Variants in SNX5 observed in about 807,000 individuals in gnomAD.
SNX5 encodes sorting nexin-5.
A neutral mutation model predicts 53.9 loss-of-function variants in SNX5; 31 were observed. That is an observed-to-expected ratio of 0.58 (90% CI 0.43 to 0.78). The LOEUF (loss-of-function observed/expected upper bound fraction) is 0.78, where lower values mean the gene tolerates loss of function less well. Among genes scored for constraint, SNX5 ranks in the 30% least tolerant of loss-of-function variants. SNX5 has a pLI of 0.00. For synonymous variants in SNX5, 168 were observed against 171.1 expected (o/e 0.98, Z 0.14); for missense variants, 471 against 478.8 (o/e 0.98, Z 0.15).
intron 1 of SNX5, among the ~76,000 whole-genome samples, chr20:17,966,563 T>C (rs1281733363): frequency 6.6e-6 from 1 of 152,174 alleles, no homozygotes; most frequent in Admixed American, 6.5e-5. Flanking sequence ...CAGTATTCCC[T>C]TTCAGTTTTG....
rs1452715438 is a variant in SNX5, at chr20:17,962,624, CAGAAGATCTCAGTCTA to C, written c.52-5603_52-5588del. The C allele has an allele frequency of 1.9e-5, 8 of 410,584 alleles. No individual in the cohort carries two copies. The Admixed American group carries it at 2.1e-4, about 11-fold the overall frequency. 25.4% of individuals were successfully genotyped at this position (410,584 alleles called of 1,614,324 possible). On this transcript the variant is annotated intron_variant, in intron 1 of 12. Transcript: ENST00000377759. The stretch of plus-strand genomic sequence containing the variant: ...GGAAAACAGAACTAAAGACTTCTAA[CAGAAGATCTCAGTCTA>C]CTAACATAGCTAATAGCTATTAAAG...
At chr20:17,942,602 C>T in intron 12 of SNX5, 195 bp from the exon 13 acceptor site, 1 of 604,482 alleles carries the variant, frequency 1.7e-6, no homozygotes, top group Non-Finnish European at 3.0e-6. Context: ...GCTCCTCTCC[C>T]TCAGTGGGTA....
In SNX5 at chr20:17,955,659, G is replaced by A. The variant is rs181502027; in HGVS notation, c.157-184C>T. On this transcript the variant is annotated intron_variant, in intron 2 of 12. Coordinates refer to ENST00000377759, the MANE Select transcript of SNX5 (RefSeq NM_014426.4). ...GCTAAGATTCAACCTGAACTCTAACGATTTCTCCCCAAACTCCACCTTTCT... is the reference window on the plus strand; with the variant it reads ...GCTAAGATTCAACCTGAACTCTAACAATTTCTCCCCAAACTCCACCTTTCT... Among the ~76,000 whole-genome samples the A allele has an allele frequency of 7.5e-4, 115 of 152,328 alleles. No homozygotes were observed. The Middle Eastern group carries it at 0.02, about 27-fold the overall frequency.
At chr20:17,967,875 C>G in intron 1 of SNX5, 1 of 396,348 alleles carries the variant, frequency 2.5e-6, no homozygotes, top group Non-Finnish European at 4.4e-6. Context: ...TTTTGCGTTT[C>G]TAAAGTTGTA....
chr20:17,949,915 C>T (rs1444426852), intron 8 of SNX5, among the ~76,000 whole-genome samples: 1 of 152,192 alleles, frequency 6.6e-6, no homozygotes, highest in Non-Finnish European at 1.5e-5. Flanking sequence ...ACAACATTTA[C>T]TGTATTTGTT....
In SNX5 at chr20:17,968,421, G is replaced by T. The variant is rs994077057; in HGVS notation, c.5C>A (p.Ala2Asp). The T allele has an allele frequency of 7.8e-7, 1 of 1,289,792 alleles. No homozygotes were observed. The highest frequency in any genetic ancestry group is 9.8e-7 in the Non-Finnish European group (1 of 1,015,626). 79.9% of individuals were successfully genotyped at this position (1,289,792 alleles called of 1,614,324 possible). A position where few individuals can be genotyped will look rare whatever the true frequency, so the allele number is the denominator to read the frequency against. Reference protein sequence around the residue: MAAVPELLQQQE... With the variant: MDAVPELLQQQE... ...CTGCTGCAGCAACTCGGGAACCGCG[G>T]CCATGGCGACGCGGGACTCGAGCAG... The change falls in exon 1 of 13, where the codon GCC becomes GAC. Residue 2 changes from alanine to aspartate, a missense_variant. Transcript: ENST00000377759.
Position 17,952,662 on chromosome 20 carries a change from A to G in SNX5, c.438T>C (p.Phe146=), listed in dbSNP as rs1313510303. 1 of 1,614,002 alleles carries G rather than the reference A, an allele frequency of 6.2e-7. No homozygotes were observed. The highest frequency in any genetic ancestry group is 8.5e-7 in the Non-Finnish European group (1 of 1,179,990). Residue 146 remains phenylalanine, a synonymous_variant, in exon 5 of 13, where the codon TTT becomes TTC. Coordinates refer to ENST00000377759, the MANE Select transcript of SNX5 (RefSeq NM_014426.4). ...FKKTVSSHEV[F]LQRLSSHPVL... ...CAGGGTGAGAAGAAAGCCGCTGAAG[A>G]AAGACTTCATGGGAGGACACAGTCT...
chr20:17,943,100 A>G lies in SNX5; in HGVS notation c.1164+10T>C, dbSNP rs1230131193. 1 of 1,567,278 alleles carries G rather than the reference A, an allele frequency of 6.4e-7. No homozygotes were observed. Among genetic ancestry groups the G allele is most frequent in the African/African-American group, 1.3e-5 (1 of 74,122 alleles). On this transcript the variant is annotated intron_variant, in intron 12 of 12. Transcript: ENST00000377759. ...AAAAGATGTTGGCTTCATCTGTAGA[A>G]AACACTTACCCTGGCATGTTTTATT... is the stretch of plus-strand genomic sequence containing the variant.
chr20:17,959,005 C>G (rs1340527421), intron 1 of SNX5, among the ~76,000 whole-genome samples: 1 of 152,172 alleles, frequency 6.6e-6, no homozygotes. Context: ...GTCTAAGGTG[C>G]CTTTCCCAGA....
rs1568588503 is a variant in SNX5, at chr20:17,947,611, T to A, written c.953A>T (p.Asp318Val). 6.2e-7 allele frequency: 1 copy of A among 1,614,000 alleles called. No individual in the cohort carries two copies. The highest frequency in any genetic ancestry group is 8.5e-7 in the Non-Finnish European group (1 of 1,179,934). ...LLYRRTKALI[D>V]YENSNKALDK... ...CAGAGCTTTGTTTGAGTTCTCATAG[T>A]CAATGAGGGCTTTGGTGCGTCTGTA... is the stretch of plus-strand genomic sequence containing the variant. The change falls in exon 11 of 13, where the codon GAC becomes GTC. Residue 318 changes from aspartate to valine, a missense_variant. Transcript: ENST00000377759.
At chr20:17,960,063 G>A (rs913688262) in intron 1 of SNX5, among the ~76,000 whole-genome samples, 2 of 152,196 alleles carry the variant, frequency 1.3e-5, no homozygotes, top group African/African-American at 4.8e-5. Context: ...CCTTGGGCAT[G>A]CCGGACCTTT....
chr20:17,957,409 T>C (rs1021831655), intron 1 of SNX5, among the ~76,000 whole-genome samples: 1 of 145,306 alleles, frequency 6.9e-6, no homozygotes, highest in East Asian at 2.0e-4. Flanking sequence ...CACTCTAGCC[T>C]GGGCGACAGA....
rs1411342318 is a variant in SNX5, at chr20:17,942,151, A to C, written c.*206T>G. 1.8e-6 allele frequency: 1 copy of C among 552,390 alleles called. No homozygotes were observed. Among genetic ancestry groups the C allele is most frequent in the Non-Finnish European group, 3.2e-6 (1 of 309,272 alleles). 34.2% of individuals were successfully genotyped at this position (552,390 alleles called of 1,614,324 possible). ...TCTGCCCAGAGGTATTAAATGCACAAGGAAAAATTAGTTATGTCCAAGTAG... is the reference window on the plus strand; with the variant it reads ...TCTGCCCAGAGGTATTAAATGCACACGGAAAAATTAGTTATGTCCAAGTAG... On this transcript the variant is annotated 3_prime_UTR_variant, in exon 13 of 13. Transcript: ENST00000377759.
At position 17,968,286 on chromosome 20, in the gene SNX5, C is replaced by T. The variant is rs531029546; in HGVS notation, c.51+89G>A. 3.6e-6 allele frequency: 4 copies of T among 1,111,162 alleles called. No individual in the cohort carries two copies. In the East Asian group the frequency reaches 9.7e-5, roughly 27 times the overall value. 68.8% of individuals were successfully genotyped at this position (1,111,162 alleles called of 1,614,324 possible). A position where few individuals can be genotyped will look rare whatever the true frequency, so the allele number is the denominator to read the frequency against. On this transcript the variant is annotated intron_variant, in intron 1 of 12. Transcript: ENST00000377759. Reference sequence around the variant, plus strand: ...CGCTGGGGATGGCGGCGAGCAGCCACGGCCTATGGACGCGCAAGGGAAAGA... The same window carrying T: ...CGCTGGGGATGGCGGCGAGCAGCCATGGCCTATGGACGCGCAAGGGAAAGA...
chr20:17,949,100 G>A lies in SNX5; in HGVS notation c.795C>T (p.Tyr265=). The A allele has an allele frequency of 6.2e-7, 1 of 1,612,954 alleles. No individual in the cohort carries two copies. The highest frequency in any genetic ancestry group is 8.5e-7 in the Non-Finnish European group (1 of 1,179,508). Residue 265 remains tyrosine (Y), a synonymous_variant, in exon 9 of 13, where the codon TAC becomes TAT. Coordinates refer to ENST00000377759, the MANE Select transcript of SNX5 (RefSeq NM_014426.4). ...CAAATAGCTCAGCAACCTTCAATAG[G>A]TACCTGGAAATGTACATATAATTTT... ...ALEEPTVIKK[Y]LLKVAELFEK...
chr20:17,959,175 G>A (rs1343916867), intron 1 of SNX5, among the ~76,000 whole-genome samples: 1 of 152,162 alleles, frequency 6.6e-6, no homozygotes. Context: ...CTTGGAATTC[G>A]AATAGGAGGA....
chr20:17,967,019 G>GTT (rs2035550638), intron 1 of SNX5, among the ~76,000 whole-genome samples: 1 of 152,198 alleles, frequency 6.6e-6, no homozygotes, highest in Non-Finnish European at 1.5e-5. Context: ...GATACGGACA[G>GTT]TTTCTGTAGC....
intron 1 of SNX5, chr20:17,967,870 C>T: frequency 7.6e-6 from 3 of 395,342 alleles, no homozygotes; most frequent in Middle Eastern, 6.4e-4. Flanking sequence ...ACGCATTTTG[C>T]GTTTCTAAAG....
Position 17,953,987 on chromosome 20 carries a change from T to C in SNX5, c.389+9A>G. The C allele has an allele frequency of 6.2e-7, 1 of 1,611,228 alleles. No homozygotes were observed. Among genetic ancestry groups the C allele is most frequent in the South Asian group, 1.1e-5 (1 of 90,870 alleles). On this transcript the variant is annotated intron_variant, in intron 4 of 12. Coordinates refer to ENST00000377759, the MANE Select transcript of SNX5 (RefSeq NM_014426.4). ...CAAAAGACAGAGCCCACCAGGAAAA[T>C]CCACTTACGCTTCCAGTTCTTGTTT...
Sources: allele counts gnomAD v4.1 joint callset (sites outside exome capture counted in the v4.1 genomes callset), GRCh38; gene constraint gnomAD v4.1.1; transcripts MANE v1.5; gene names NCBI Gene and HGNC (gene_info 2026-07-23, HGNC 2026-07-21).